The following NAA15 variants were observed in gnomAD, a reference collection of about 807,000 sequenced individuals.
The protein encoded by NAA15 is N-terminal acetyltransferase.
Under a neutral mutation model 114.0 loss-of-function variants are expected in NAA15, and 34 were observed. That is an observed-to-expected ratio of 0.30 (90% CI 0.23 to 0.40). NAA15 has a LOEUF of 0.40. Ranked by LOEUF, NAA15 falls within the 10% of genes least tolerant of loss-of-function variation. The probability of loss-of-function intolerance (pLI) is 1.00; values close to 1 mark genes in which losing one functional copy is unlikely to be tolerated. For synonymous variants in NAA15, 340 were observed against 338.0 expected, an observed-to-expected ratio of 1.01 and a Z score of -0.06; for missense variants, 658 against 1,004.5, an observed-to-expected ratio of 0.66 and a Z score of 4.66.
chr4:139,354,646 C>T (rs955082261), intron 10 of NAA15, among the ~76,000 whole-genome samples: 1 of 152,164 alleles, frequency 6.6e-6, no homozygotes. Context: ...TTAAAAACAT[C>T]TACAAAACTA....
chr4:139,307,503 G>A (rs1400783749), intron 1 of NAA15, among the ~76,000 whole-genome samples: 2 of 152,230 alleles, frequency 1.3e-5, no homozygotes, highest in Non-Finnish European at 2.9e-5. Flanking sequence ...CTGGGATCAA[G>A]CAGTCCTCCT....
intron 9 of NAA15, 105 bp from the exon 10 acceptor site, chr4:139,353,921 G>A: frequency 1.2e-6 from 1 of 817,188 alleles, no homozygotes; most frequent in Non-Finnish European, 2.0e-6. Context: ...GGGTGTGTGT[G>A]TTGGAGTGTT....
At position 139,388,341 on chromosome 4, in the gene NAA15, C is replaced by T; in HGVS notation, c.*257C>T. The T allele has an allele frequency of 3.6e-6, 1 of 274,824 alleles. No individual in the cohort carries two copies. The highest frequency in any genetic ancestry group is 6.8e-6 in the Non-Finnish European group (1 of 146,000). 17.0% of individuals were successfully genotyped at this position (274,824 alleles called of 1,614,324 possible). ...TTAAAAAAGATACCTTATCCTATTC[C>T]TCCCCACCCACCCATGTTTTTAAAC... is the stretch of plus-strand genomic sequence containing the variant. On this transcript the variant is annotated 3_prime_UTR_variant, in exon 20 of 20. Transcript: ENST00000296543.
At chr4:139,361,653 A>G (rs1748135102) in intron 13 of NAA15, 71 bp from the exon 14 acceptor site, 7 of 935,668 alleles carry the variant, frequency 7.5e-6, no homozygotes, top group African/African-American at 3.4e-5. Context: ...AAGTATTCCA[A>G]TGCTTTGATT....
chr4:139,380,777 A>G (rs1748728080), intron 17 of NAA15, among the ~76,000 whole-genome samples: 1 of 152,204 alleles, frequency 6.6e-6, no homozygotes. Flanking sequence ...AGCCTTTAAG[A>G]AGTTGGGTAG....
chr4:139,352,116 T>C (rs750776882), intron 9 of NAA15, among the ~76,000 whole-genome samples: 3 of 152,126 alleles, frequency 2.0e-5, no homozygotes, highest in Admixed American at 6.6e-5. Flanking sequence ...TTAATTATTT[T>C]TTTTTCTTTT....
chr4:139,380,257 T>TTG lies in NAA15; in HGVS notation c.2155+1404_2155+1405dup, dbSNP rs1278111742. Among the ~76,000 whole-genome samples the TTG allele has an allele frequency of 5.4e-5, 7 of 130,256 alleles. No individual in the cohort carries two copies. In the East Asian group the frequency reaches 1.4e-3, roughly 26 times the overall value. The allele number at this position is 130,256 out of a possible 152,430, so 85.5% of individuals were successfully genotyped here. A position where few individuals can be genotyped will look rare whatever the true frequency, so the allele number is the denominator to read the frequency against. ...AGTAGTTTGTTTCTCTTTAGTTTTTTTGGGGGGGGGGAGTATGAAAAATAA... is the reference window on the plus strand; with the variant it reads ...AGTAGTTTGTTTCTCTTTAGTTTTTTTGTGGGGGGGGGGAGTATGAAAAATAA... On this transcript the variant is annotated intron_variant, in intron 17 of 19. Transcript: ENST00000296543.
At chr4:139,341,116 G>T (rs1250348561) in intron 4 of NAA15, 47 bp downstream of exon 4, 2 of 1,293,586 alleles carry the variant, frequency 1.5e-6, no homozygotes, top group East Asian at 5.4e-5. Context: ...GGGAAAATAT[G>T]TACAACTTTG....
chr4:139,334,329 C>T (rs1233990556), intron 2 of NAA15, 71 bp downstream of exon 2: 3 of 970,092 alleles, frequency 3.1e-6, no homozygotes, highest in Admixed American at 5.6e-5. Flanking sequence ...TTCTTCCCAG[C>T]TGCCTTAACT....
chr4:139,357,335 T>C, intron 10 of NAA15, 51 bp from the exon 11 acceptor site: 2 of 1,551,894 alleles, frequency 1.3e-6, no homozygotes, highest in Non-Finnish European at 1.8e-6. Flanking sequence ...TGGGGGGTGC[T>C]CTTAATATAT....
intron 1 of NAA15, chr4:139,302,366 G>C (rs1745821069): frequency 6.5e-6 from 1 of 153,516 alleles, no homozygotes; most frequent in African/African-American, 2.4e-5. Context: ...GACCTGAGAG[G>C]AGGGAAAGAA....
chr4:139,337,794 A>G (rs1747247586), intron 3 of NAA15, among the ~76,000 whole-genome samples: 1 of 152,218 alleles, frequency 6.6e-6, no homozygotes, highest in Admixed American at 6.5e-5. Context: ...CAAAGAACTT[A>G]CAGTCTGGTG....
In NAA15 at chr4:139,359,912, T is replaced by G. The variant is rs1748079377; in HGVS notation, c.1410+17T>G. ...TTTACAAGGGTTTGTACAGCTAGTG[T>G]TCTTAATTATGAATAAAGAAGACAT... On this transcript the variant is annotated intron_variant, in intron 12 of 19. Transcript: ENST00000296543. 6.4e-7 allele frequency: 1 copy of G among 1,551,298 alleles called. No individual in the cohort carries two copies. Among genetic ancestry groups the G allele is most frequent in the Admixed American group, 2.4e-5 (1 of 41,950 alleles).
At chr4:139,332,779 A>C (rs991401065) in intron 1 of NAA15, among the ~76,000 whole-genome samples, 1 of 151,642 alleles carries the variant, frequency 6.6e-6, no homozygotes, top group Non-Finnish European at 1.5e-5. Flanking sequence ...ACAGGGTTTC[A>C]CCATGTTGGC....
rs71600201 is a variant in NAA15 at position 139,389,194 on chromosome 4, A to ATTTTTT, written c.*1127_*1132dup. On this transcript the variant is annotated 3_prime_UTR_variant, in exon 20 of 20. Coordinates refer to ENST00000296543, the MANE Select transcript of NAA15 (RefSeq NM_057175.5). ...CTTTGTAATTTTTAAAGGGCCCAAG[A>ATTTTTT]TTTTTTTTTTTTTTTTTTTTTTCAA... The ATTTTTT allele has an allele frequency of 8.8e-6, 1 of 113,356 alleles. No homozygotes were observed. The highest frequency in any genetic ancestry group is 3.3e-5 in the African/African-American group (1 of 30,304). 7.0% of individuals were successfully genotyped at this position (113,356 alleles called of 1,614,324 possible).
intron 1 of NAA15, among the ~76,000 whole-genome samples, chr4:139,318,156 A>G (rs1461298211): frequency 6.6e-6 from 1 of 152,166 alleles, no homozygotes; most frequent in Non-Finnish European, 1.5e-5. Context: ...GTACTCCACA[A>G]AAATATTGGT....
At chr4:139,324,729 A>G (rs1746733709) in intron 1 of NAA15, among the ~76,000 whole-genome samples, 5 of 152,208 alleles carry the variant, frequency 3.3e-5, no homozygotes. Context: ...GTTGGAGTTC[A>G]AGACCAGCCT....
At position 139,384,952 on chromosome 4, in the gene NAA15, C is replaced by T. The variant is rs978572968; in HGVS notation, c.2276C>T (p.Ser759Phe). ...NFNETFLKRN[S>F]DSLPHRLSAA... is the part of the protein sequence containing the mutation. Reference sequence around the variant, plus strand: ...AATGAAACTTTTCTGAAAAGGAATTCTGATTCATTGCCACACAGATTATCA... The same window carrying T: ...AATGAAACTTTTCTGAAAAGGAATTTTGATTCATTGCCACACAGATTATCA... Residue 759 changes from serine (S) to phenylalanine (F), a missense_variant, in exon 18 of 20, where the codon TCT becomes TTT. This residue lies in a region of NAA15 where 275 missense variants were observed against 371.1 expected (regional missense o/e 0.74). Transcript: ENST00000296543. 5.7e-6 allele frequency: 9 copies of T among 1,570,538 alleles called. No homozygotes were observed. Among genetic ancestry groups the T allele is most frequent in the African/African-American group, 1.4e-5 (1 of 72,850 alleles).
In NAA15 at chr4:139,390,419, T is replaced by C. The variant is rs532155658; in HGVS notation, c.*2335T>C. Reference sequence around the variant, plus strand: ...CTTGCTCTGAGTAGTATCAACTGGATCGTCTCATATTTGCCTCATTCATCC... The same window carrying C: ...CTTGCTCTGAGTAGTATCAACTGGACCGTCTCATATTTGCCTCATTCATCC... On this transcript the variant is annotated 3_prime_UTR_variant, in exon 20 of 20. Transcript: ENST00000296543. 2 of 152,736 alleles carry C rather than the reference T, an allele frequency of 1.3e-5. No individual in the cohort carries two copies. The highest frequency in any genetic ancestry group is 3.9e-4 in the East Asian group (2 of 5,180). 9.5% of individuals were successfully genotyped at this position (152,736 alleles called of 1,614,324 possible).
Sources: gnomAD v4.1 joint callset for allele counts (sites outside exome capture counted in the v4.1 genomes callset) on GRCh38, gnomAD v4.1.1 for gene constraint, gnomAD v4.1.1 regional missense constraint, MANE v1.5 for transcripts, NCBI Gene and HGNC (gene_info 2026-07-23, HGNC 2026-07-21) for gene names.